RGS12: variants seen among roughly 807,000 people sequenced by gnomAD.
The protein encoded by RGS12 is regulator of G-protein signaling 12.
A neutral mutation model predicts 120.1 loss-of-function variants in RGS12; 66 were observed. That is an observed-to-expected ratio of 0.55 (90% CI 0.45 to 0.67). The LOEUF is 0.67. Among genes scored for constraint, RGS12 ranks in the 30% least tolerant of loss-of-function variants. RGS12 has a pLI of 0.00. For synonymous variants in RGS12, 827 were observed against 804.7 expected (o/e 1.03, Z -0.47); for missense variants, 1,859 against 1,957.7 (o/e 0.95, Z 0.95).
chr4:3,414,026 G>A (rs778180090), intron 4 of RGS12, 46 bp from the exon 5 acceptor site: 30 of 1,485,838 alleles, frequency 2.0e-5, no homozygotes, highest in South Asian at 2.6e-5. Context: ...TCACTGGGCC[G>A]GGGCGGAGGG....
rs16844152 is a variant in RGS12, at chr4:3,316,999, A to T, written c.829A>T (p.Met277Leu). The change falls in exon 2 of 18, where the codon ATG (methionine) becomes TTG (leucine). Residue 277 changes from methionine to leucine, a missense_variant. This residue lies in a region of RGS12 where 967 missense variants were observed against 994.2 expected (regional missense o/e 0.97). Coordinates refer to ENST00000336727, the MANE Select transcript of RGS12 (RefSeq NM_001394154.1). ...KIHSLVTMKI[M>L]HDCVQLSTDK... ...CCACTCGCTGGTGACCATGAAGATC[A>T]TGCACGACTGTGTGCAGCTGAGCAC... 81,647 of 1,613,778 alleles carry T rather than the reference A, an allele frequency of 0.051. 2,340 individuals carry two copies. The highest frequency in any genetic ancestry group is 0.087 in the South Asian group (7,918 of 91,084).
At chr4:3,316,045 T>C (rs559724535) in intron 1 of RGS12, 25 bp from the exon 2 acceptor site, 360 of 880,688 alleles carry the variant, frequency 4.1e-4, no homozygotes, top group Non-Finnish European at 6.0e-4. Context: ...TCTTTAATAA[T>C]GAGCTGTTCG....
intron 2 of RGS12, among the ~76,000 whole-genome samples, chr4:3,338,945 AC>A (rs1228591558): frequency 6.6e-6 from 1 of 152,198 alleles, no homozygotes; most frequent in Admixed American, 6.5e-5. Flanking sequence ...TTTGAGAAAC[AC>A]GAGTAAACGC....
intron 1 of RGS12, among the ~76,000 whole-genome samples, chr4:3,313,805 A>T (rs995604900): frequency 1.3e-5 from 2 of 151,938 alleles, no homozygotes; most frequent in African/African-American, 4.8e-5. Context: ...ACACAGGCGC[A>T]CCCCACACTC....
chr4:3,328,700 T>C (rs1578740281), intron 2 of RGS12, among the ~76,000 whole-genome samples: 1 of 152,310 alleles, frequency 6.6e-6, no homozygotes, highest in Non-Finnish European at 1.5e-5. Flanking sequence ...TGCAGTTAGG[T>C]AGTAATGCAG....
At chr4:3,347,865 G>C (rs1202008201) in intron 3 of RGS12, among the ~76,000 whole-genome samples, 1 of 152,174 alleles carries the variant, frequency 6.6e-6, no homozygotes, top group African/African-American at 2.4e-5. Context: ...ATAATAACTA[G>C]AGTTATGGCA....
chr4:3,306,100 T>C (rs1224399922), intron 1 of RGS12, among the ~76,000 whole-genome samples: 2 of 152,266 alleles, frequency 1.3e-5, no homozygotes, highest in African/African-American at 4.8e-5. Context: ...TGAGGACTAA[T>C]GCCCATAAGC....
At chr4:3,393,319 C>A (rs978019549) in intron 4 of RGS12, among the ~76,000 whole-genome samples, 17 of 152,370 alleles carry the variant, frequency 1.1e-4, no homozygotes, top group African/African-American at 2.4e-5. Context: ...CCCGGCTGAT[C>A]TTTGCCTGCC....
At chr4:3,386,910 T>TA (rs1718913658) in intron 4 of RGS12, among the ~76,000 whole-genome samples, 1 of 152,240 alleles carries the variant, frequency 6.6e-6, no homozygotes, top group Non-Finnish European at 1.5e-5. Context: ...ATCAAAAACT[T>TA]ACTTTCTGTG....
chr4:3,427,302 G>C (rs1215648462), intron 14 of RGS12, among the ~76,000 whole-genome samples: 1 of 152,226 alleles, frequency 6.6e-6, no homozygotes, highest in Non-Finnish European at 1.5e-5. Context: ...GGAGCTTGGC[G>C]CTCAGCGTTT....
chr4:3,419,663 A>T (rs544891745), intron 9 of RGS12, among the ~76,000 whole-genome samples: 20 of 152,176 alleles, frequency 1.3e-4, no homozygotes, highest in Admixed American at 6.5e-4. Context: ...ACAAAAAAAA[A>T]TTAAAAATTA....
At position 3,366,213 on chromosome 4, in the gene RGS12, T is replaced by A. The variant is rs1578836468; in HGVS notation, c.1999-20203T>A. ...GGGTTAGGCACAGGGCTGGGGCGGG[T>A]GCTGGGCAGACTGCAAAGGGTCAGA... On this transcript the variant is annotated intron_variant, in intron 3 of 17. Transcript: ENST00000336727. This position sits in a 1 kb window ranked among gnomAD's most constrained non-coding sequence, Gnocchi z 4.0. 6.6e-6 allele frequency among the ~76,000 whole-genome samples: 1 copy of A among 151,320 alleles called. No individual in the cohort carries two copies. The highest frequency in any genetic ancestry group is 1.5e-5 in the Non-Finnish European group (1 of 67,840).
intron 3 of RGS12, among the ~76,000 whole-genome samples, chr4:3,367,116 G>A (rs1168199513): frequency 3.3e-5 from 5 of 152,222 alleles, no homozygotes; most frequent in Admixed American, 2.0e-4. Flanking sequence ...GGGAGGTGAG[G>A]GGCTCCCTCT....
rs1202694533 is a variant in RGS12 at position 3,316,199 on chromosome 4, G to A, written c.29G>A (p.Arg10His). Residue 10 changes from arginine (R) to histidine (H), a missense_variant, in exon 2 of 18, where the codon CGC becomes CAC. Around this residue, in one of 3 missense-constraint regions of RGS12, gnomAD observed 967 missense variants for 994.2 expected, o/e 0.97. Coordinates refer to ENST00000336727, the MANE Select transcript of RGS12 (RefSeq NM_001394154.1). The part of the protein sequence containing the change: MFRAGEASK[R>H]PLPGPSPPRV... ...TTTAGAGCTGGGGAGGCCTCCAAAC[G>A]CCCATTGCCTGGGCCGTCGCCCCCA... 2.5e-6 allele frequency: 4 copies of A among 1,582,926 alleles called. No homozygotes were observed. The highest frequency in any genetic ancestry group is 3.4e-6 in the Non-Finnish European group (4 of 1,163,212).
rs533814067 is a variant in RGS12, at chr4:3,393,893, C to T, written c.2020+7456C>T. On this transcript the variant is annotated intron_variant, in intron 4 of 17. Transcript: ENST00000336727. The stretch of plus-strand genomic sequence containing the variant: ...TGATTTCCCAAAAGCTGCCTCACAA[C>T]CCAGAAAGAGCAGGTTCTCCTCTCC... Among the ~76,000 whole-genome samples the T allele has an allele frequency of 2.6e-5, 4 of 152,322 alleles. No homozygotes were observed. The South Asian group carries it at 6.2e-4, about 24-fold the overall frequency.
chr4:3,289,475 A>G (rs564389577), upstream of RGS12, among the ~76,000 whole-genome samples: 558 of 152,300 alleles, frequency 3.7e-3, 1 homozygote, highest in Admixed American at 7.3e-3. Context: ...AAGAGCTGGG[A>G]TTACAGGCAT....
rs559560448 is a variant in RGS12 at position 3,374,178 on chromosome 4, C to T, written c.1999-12238C>T. Among the ~76,000 whole-genome samples, 48 of 152,382 alleles carry T rather than the reference C, an allele frequency of 3.1e-4. No individual in the cohort carries two copies. The highest frequency in any genetic ancestry group is 1.1e-3 in the African/African-American group (44 of 41,598). Reference sequence around the variant, plus strand: ...AGGCTGGTTGAGGTTCCTTGCAACGCTTGCCATCCTACGCATGATGCAGGG... The same window carrying T: ...AGGCTGGTTGAGGTTCCTTGCAACGTTTGCCATCCTACGCATGATGCAGGG... On this transcript the variant is annotated intron_variant, in intron 3 of 17. Transcript: ENST00000336727. The surrounding 1 kb of genome is among the most constrained non-coding windows in gnomAD (Gnocchi z 6.3).
rs1716237252 is a variant in RGS12, at chr4:3,365,719, C to T, written c.1999-20697C>T. On this transcript the variant is annotated intron_variant, in intron 3 of 17. Transcript: ENST00000336727. The surrounding 1 kb of genome is among the most constrained non-coding windows in gnomAD (Gnocchi z 4.0). ...CCTTTTACCCTGTCTCTTAGGTTTG[C>T]GACTTTGCTATTTTCAGAATTTAAC... is the stretch of plus-strand genomic sequence containing the variant. 1.3e-5 allele frequency among the ~76,000 whole-genome samples: 2 copies of T among 152,172 alleles called. No homozygotes were observed. Among genetic ancestry groups the T allele is most frequent in the Admixed American group, 1.3e-4 (2 of 15,274 alleles).
intron 3 of RGS12, among the ~76,000 whole-genome samples, chr4:3,376,986 A>G (rs1717770090): frequency 6.6e-6 from 1 of 151,778 alleles, no homozygotes. Flanking sequence ...TAAAGCATAT[A>G]TTAGGTGCAA....
Sources: gnomAD v4.1 joint callset for allele counts (sites outside exome capture counted in the v4.1 genomes callset) on GRCh38, gnomAD v4.1.1 for gene constraint, gnomAD v4.1.1 regional missense constraint, Gnocchi (gnomAD v3.1) non-coding constraint, MANE v1.5 for transcripts, NCBI Gene and HGNC (gene_info 2026-07-23, HGNC 2026-07-21) for gene names.